Variants in TMEM132D observed in about 807,000 individuals in gnomAD.
TMEM132D encodes mature OL transmembrane protein.
Under a neutral mutation model 62.3 loss-of-function variants are expected in TMEM132D, and 21 were observed. The observed-to-expected ratio is 0.34, with a 90% CI of 0.24 to 0.49. The LOEUF is 0.49. Ranked by LOEUF, TMEM132D falls within the 20% of genes least tolerant of loss-of-function variation. TMEM132D has a pLI of 0.99. For missense variants in TMEM132D, 1,346 were observed against 1,402.8 expected, an observed-to-expected ratio of 0.96 and a Z score of 0.65; for synonymous variants, 621 against 575.6, an observed-to-expected ratio of 1.08 and a Z score of -1.13.
At chr12:129,814,518 G>A (rs1399981392) in intron 1 of TMEM132D, among the ~76,000 whole-genome samples, 1 of 147,326 alleles carries the variant, frequency 6.8e-6, no homozygotes, top group Non-Finnish European at 1.5e-5. Flanking sequence ...GGCTGAGGCA[G>A]GAGAATCGCT....
intron 4 of TMEM132D, among the ~76,000 whole-genome samples, chr12:129,233,343 C>A (rs971009003): frequency 6.6e-6 from 1 of 152,112 alleles, no homozygotes; most frequent in African/African-American, 2.4e-5. Flanking sequence ...AAAATGGTTT[C>A]TTTCCCTGAG....
At position 129,076,830 on chromosome 12, in the gene TMEM132D, T is replaced by C. The variant is rs191808310; in HGVS notation, c.2115+1704A>G. Among the ~76,000 whole-genome samples, 599 of 152,352 alleles carry C rather than the reference T, an allele frequency of 3.9e-3. 2 individuals carry two copies. The highest frequency in any genetic ancestry group is 5.3e-3 in the Non-Finnish European group (363 of 68,024). ...CAGGAACGGATTAGCCTTCTGGCCT[T>C]CTTCTAGCTGCATCTTATCCCTTCC... On this transcript the variant is annotated intron_variant, in intron 8 of 8. Coordinates refer to ENST00000422113, the MANE Select transcript of TMEM132D (RefSeq NM_133448.3).
chr12:129,475,810 G>A (rs1405428046), intron 3 of TMEM132D, among the ~76,000 whole-genome samples: 1 of 152,222 alleles, frequency 6.6e-6, no homozygotes, highest in Non-Finnish European at 1.5e-5. Context: ...ATGACCTGGT[G>A]TGCAGTGATG....
At chr12:129,583,065 C>T (rs566861322) in intron 2 of TMEM132D, among the ~76,000 whole-genome samples, 30 of 152,338 alleles carry the variant, frequency 2.0e-4, no homozygotes, top group African/African-American at 7.2e-4. Context: ...ACCTCAGCCT[C>T]CCAAAGTGCT....
chr12:129,401,324 G>A (rs1050355719), intron 3 of TMEM132D, among the ~76,000 whole-genome samples: 2 of 152,170 alleles, frequency 1.3e-5, no homozygotes, highest in Non-Finnish European at 2.9e-5. Flanking sequence ...CCCAACACAT[G>A]AAGAGGCCAA....
rs577839942 is a variant in TMEM132D, at chr12:129,644,721, G to A, written c.968+55089C>T. ...GGGCCAGGAGCAGTGGCTCACACCT[G>A]TAATCCCAGCACTTTGGGAGGCCGA... is the stretch of plus-strand genomic sequence containing the variant. On this transcript the variant is annotated intron_variant, in intron 2 of 8. Coordinates refer to ENST00000422113, the MANE Select transcript of TMEM132D (RefSeq NM_133448.3). 1.4e-4 allele frequency among the ~76,000 whole-genome samples: 22 copies of A among 151,786 alleles called. No individual in the cohort carries two copies. In the East Asian group the frequency reaches 3.5e-3, roughly 24 times the overall value.
chr12:129,426,920 G>A (rs1872517575), intron 3 of TMEM132D, among the ~76,000 whole-genome samples: 1 of 152,214 alleles, frequency 6.6e-6, no homozygotes, highest in African/African-American at 2.4e-5. Flanking sequence ...TCTCATAGGT[G>A]GAATGTGCAG....
intron 2 of TMEM132D, among the ~76,000 whole-genome samples, chr12:129,548,409 G>T (rs576596064): frequency 6.6e-6 from 1 of 152,158 alleles, no homozygotes; most frequent in Non-Finnish European, 1.5e-5. Context: ...ATCTATTAAT[G>T]TAATCTGCTA....
intron 5 of TMEM132D, among the ~76,000 whole-genome samples, chr12:129,137,263 C>T (rs560666486): frequency 1.3e-5 from 2 of 151,918 alleles, no homozygotes; most frequent in South Asian, 2.1e-4. Flanking sequence ...CCACCATCAA[C>T]ATCACTATCA....
At chr12:129,151,538 G>C (rs1454718275) in intron 5 of TMEM132D, among the ~76,000 whole-genome samples, 1 of 152,156 alleles carries the variant, frequency 6.6e-6, no homozygotes, top group Non-Finnish European at 1.5e-5. Context: ...CACACCCAGG[G>C]GTGACATGCG....
intron 4 of TMEM132D, among the ~76,000 whole-genome samples, chr12:129,247,115 A>G (rs897177612): frequency 6.6e-6 from 1 of 152,214 alleles, no homozygotes; most frequent in Admixed American, 6.5e-5. Flanking sequence ...TCTGCAAAGT[A>G]TATATCGGGA....
chr12:129,900,450 C>T (rs1875315258), intron 1 of TMEM132D, among the ~76,000 whole-genome samples: 1 of 152,212 alleles, frequency 6.6e-6, no homozygotes, highest in African/African-American at 2.4e-5. Context: ...CCCAGCGCCA[C>T]CCTAGGCACA....
At chr12:129,614,647 T>C (rs2137154368) in intron 2 of TMEM132D, among the ~76,000 whole-genome samples, 1 of 152,290 alleles carries the variant, frequency 6.6e-6, no homozygotes. Flanking sequence ...CTCAGATGTC[T>C]ACAGAGTCCA....
chr12:129,619,215 C>A (rs1878999230), intron 2 of TMEM132D, among the ~76,000 whole-genome samples: 1 of 152,158 alleles, frequency 6.6e-6, no homozygotes, highest in African/African-American at 2.4e-5. Context: ...CTCTGAAATG[C>A]CCTTGGCCAA....
intron 2 of TMEM132D, among the ~76,000 whole-genome samples, chr12:129,604,741 T>C (rs1878570924): frequency 6.6e-6 from 1 of 152,238 alleles, no homozygotes; most frequent in South Asian, 2.1e-4. Flanking sequence ...ACTTAGATAC[T>C]GAAGCATGAG....
At chr12:129,834,799 C>G (rs762480336) in intron 1 of TMEM132D, among the ~76,000 whole-genome samples, 3 of 152,208 alleles carry the variant, frequency 2.0e-5, no homozygotes, top group Non-Finnish European at 4.4e-5. Flanking sequence ...ACCACATGCT[C>G]TATTCCCCAC....
intron 3 of TMEM132D, among the ~76,000 whole-genome samples, chr12:129,416,391 C>T (rs1872121153): frequency 6.6e-6 from 1 of 152,182 alleles, no homozygotes; most frequent in African/African-American, 2.4e-5. Context: ...GTGATTTTTG[C>T]ACATGGATTT....
chr12:129,205,134 C>T (rs1431588164), intron 5 of TMEM132D, among the ~76,000 whole-genome samples: 3 of 151,934 alleles, frequency 2.0e-5, no homozygotes, highest in Non-Finnish European at 4.4e-5. Context: ...TGGCTAACAA[C>T]ATGAAGACAG....
At chr12:129,356,481 C>A (rs1299512215) in intron 3 of TMEM132D, among the ~76,000 whole-genome samples, 1 of 151,286 alleles carries the variant, frequency 6.6e-6, no homozygotes, top group Non-Finnish European at 1.5e-5. Flanking sequence ...AAGGCGGATG[C>A]CGAAGTCAAT....
Sources: gnomAD v4.1 joint callset for allele counts (sites outside exome capture counted in the v4.1 genomes callset) on GRCh38, gnomAD v4.1.1 for gene constraint, MANE v1.5 for transcripts, NCBI Gene and HGNC (gene_info 2026-07-23, HGNC 2026-07-21) for gene names.